PCDHA8: variants seen among roughly 807,000 people sequenced by gnomAD.
PCDHA8 encodes protocadherin alpha-8.
A neutral mutation model predicts 61.8 loss-of-function variants in PCDHA8; 53 were observed. The observed-to-expected ratio is 0.86, with a 90% CI of 0.69 to 1.08. PCDHA8 has a LOEUF of 1.08. Among genes scored for constraint, PCDHA8 ranks in the 50% least tolerant of loss-of-function variants. PCDHA8 has a pLI of 0.00. For missense variants in PCDHA8, 1,293 were observed against 1,245.0 expected, an observed-to-expected ratio of 1.04 and a Z score of -0.58; for synonymous variants, 618 against 556.6, an observed-to-expected ratio of 1.11 and a Z score of -1.55.
intron 1 of PCDHA8, among the ~76,000 whole-genome samples, chr5:140,952,740 C>T (rs2094790841): frequency 1.3e-5 from 2 of 152,184 alleles, no homozygotes; most frequent in African/African-American, 2.4e-5. Flanking sequence ...TTTTCTCACA[C>T]TGCTATAAAA....
chr5:140,882,046 TACTTAC>T lies in PCDHA8; in HGVS notation c.2394+38340_2394+38345del, dbSNP rs2058922100. The T allele has an allele frequency of 1.6e-5, 12 of 728,060 alleles. No homozygotes were observed. In the South Asian group the frequency reaches 2.5e-4, roughly 15 times the overall value. 45.1% of individuals were successfully genotyped at this position (728,060 alleles called of 1,614,324 possible). ...AATGGAAAATATGAAGACTGAGTCA[TACTTAC>T]ACTTACACGTTCATGCGCATGGTGT... is the stretch of plus-strand genomic sequence containing the variant. On this transcript the variant is annotated intron_variant, in intron 1 of 3. Coordinates refer to ENST00000531613, the MANE Select transcript of PCDHA8 (RefSeq NM_018911.3).
At chr5:140,977,284 G>T (rs1377580391) in intron 1 of PCDHA8, among the ~76,000 whole-genome samples, 1 of 152,210 alleles carries the variant, frequency 6.6e-6, no homozygotes, top group Admixed American at 6.5e-5. Flanking sequence ...TCAAAGGAAG[G>T]TTCTCTCAGC....
At chr5:140,871,549 T>C (rs1554165727) in intron 1 of PCDHA8, 6 of 1,496,034 alleles carry the variant, frequency 4.0e-6, no homozygotes, top group Non-Finnish European at 5.4e-6. Flanking sequence ...TTATTTAAAA[T>C]CCAGTTTTTT....
chr5:140,944,470 A>G (rs1245262998), intron 1 of PCDHA8, among the ~76,000 whole-genome samples: 1 of 152,166 alleles, frequency 6.6e-6, no homozygotes, highest in East Asian at 1.9e-4. Flanking sequence ...TACAGGTATG[A>G]GGCACTGGAC....
chr5:140,948,722 A>G (rs2094296449), intron 1 of PCDHA8, among the ~76,000 whole-genome samples: 1 of 151,574 alleles, frequency 6.6e-6, no homozygotes, highest in Admixed American at 6.6e-5. Context: ...TTTTTTATCA[A>G]TAAGTCTAGC....
rs1554204719 is a variant in PCDHA8, at chr5:140,927,550, A to G, written c.2395-51399A>G. 4.3e-6 allele frequency: 7 copies of G among 1,614,020 alleles called. No homozygotes were observed. In the Admixed American group the frequency reaches 8.3e-5, roughly 19 times the overall value. ...TGCCCGCTCAGGAGACGCACAAGTC[A>G]CCATCATTGTGGTGGACACAAATGA... On this transcript the variant is annotated intron_variant, in intron 1 of 3. Coordinates refer to ENST00000531613, the MANE Select transcript of PCDHA8 (RefSeq NM_018911.3).
intron 3 of PCDHA8, among the ~76,000 whole-genome samples, chr5:140,990,314 CCAAA>C (rs2097387288): frequency 6.6e-6 from 1 of 152,212 alleles, no homozygotes; most frequent in Non-Finnish European, 1.5e-5. Context: ...AAAAAACCAA[CCAAA>C]CAAACTTTAA....
chr5:140,848,359 G>C, intron 1 of PCDHA8: 1 of 1,059,608 alleles, frequency 9.4e-7, no homozygotes, highest in South Asian at 1.6e-5. Context: ...TTTTCCCATG[G>C]GAAAGAGGCT....
In PCDHA8 at chr5:141,011,117, C is replaced by A. The variant is rs1301385116; in HGVS notation, c.*1180C>A. The A allele has an allele frequency of 1.3e-5, 2 of 153,590 alleles. No homozygotes were observed. The highest frequency in any genetic ancestry group is 2.4e-5 in the African/African-American group (1 of 41,402). The allele number at this position is 153,590 out of a possible 1,614,324, so 9.5% of individuals were successfully genotyped here. The stretch of plus-strand genomic sequence containing the variant: ...CTCTCTCTCTCTCTTTTCTAAGAAA[C>A]AATTATGTGCACTTTGATACACAAC... On this transcript the variant is annotated 3_prime_UTR_variant, in exon 4 of 4. Coordinates refer to ENST00000531613, the MANE Select transcript of PCDHA8 (RefSeq NM_018911.3).
intron 1 of PCDHA8, among the ~76,000 whole-genome samples, chr5:140,914,730 C>T (rs2076816445): frequency 6.6e-6 from 1 of 151,438 alleles, no homozygotes; most frequent in Non-Finnish European, 1.5e-5. Context: ...TTTTGTGTAT[C>T]CATTGTATGT....
chr5:141,003,588 T>C (rs558863784), intron 3 of PCDHA8, among the ~76,000 whole-genome samples: 65 of 152,252 alleles, frequency 4.3e-4, no homozygotes, highest in African/African-American at 1.3e-3. Context: ...GCTGGGATTT[T>C]AGATGTGAGC....
intron 1 of PCDHA8, among the ~76,000 whole-genome samples, chr5:140,873,769 T>G (rs1554166882): frequency 6.6e-6 from 1 of 151,412 alleles, no homozygotes; most frequent in Non-Finnish European, 1.5e-5. Flanking sequence ...CAAGCAATTC[T>G]CCTGCCTCAG....
In PCDHA8 at chr5:140,842,359, C is replaced by T. The variant is rs1157712945; in HGVS notation, c.1038C>T (p.Asn346=). 5 of 1,606,532 alleles carry T rather than the reference C, an allele frequency of 3.1e-6. No individual in the cohort carries two copies. The highest frequency in any genetic ancestry group is 4.3e-6 in the Non-Finnish European group (5 of 1,173,328). ...TGAGAATTTTGGATAAAAATGATAA[C>T]GTCCCTGAGATAGCACTGACTTCCT... is the stretch of plus-strand genomic sequence containing the variant. The part of the protein sequence containing the change: ...VLVRILDKND[N]VPEIALTSLS... The change falls in exon 1 of 4, where the codon AAC becomes AAT. Residue 346 remains asparagine, a synonymous_variant. Transcript: ENST00000531613.
chr5:140,843,603 G>C lies in PCDHA8; in HGVS notation c.2282G>C (p.Gly761Ala), dbSNP rs2150363259. The part of the protein sequence containing the change: ...SQQQPQRVCS[G>A]EGPPKTDLMA... ...CAACAGCCGCAGAGGGTGTGCTCTG[G>C]TGAGGGGCCACCGAAGACGGACCTC... Residue 761 changes from glycine (G) to alanine (A), a missense_variant, in exon 1 of 4, where the codon GGT becomes GCT. Coordinates refer to ENST00000531613, the MANE Select transcript of PCDHA8 (RefSeq NM_018911.3). 45 of 1,596,084 alleles carry C rather than the reference G, an allele frequency of 2.8e-5. 3 individuals carry two copies. The East Asian group carries it at 3.1e-4, about 11-fold the overall frequency.
chr5:140,869,082 T>C (rs1554162459), intron 1 of PCDHA8: 1 of 1,582,446 alleles, frequency 6.3e-7, no homozygotes, highest in East Asian at 2.2e-5. Flanking sequence ...GAAGCTTATT[T>C]TGGAAGCCAA....
Position 140,856,266 on chromosome 5 carries a change from T to C in PCDHA8, c.2394+12551T>C, listed in dbSNP as rs1581394564. On this transcript the variant is annotated intron_variant, in intron 1 of 3. Coordinates refer to ENST00000531613, the MANE Select transcript of PCDHA8 (RefSeq NM_018911.3). ...GTGGCGTCCAAAAGACACGGGGACC[T>C]TCTGGAGGTAAATCTGCAGAATGGC... 7 of 1,598,200 alleles carry C rather than the reference T, an allele frequency of 4.4e-6. No homozygotes were observed. The East Asian group carries it at 1.6e-4, about 36-fold the overall frequency.
At chr5:140,939,262 T>G (rs1371349789) in intron 1 of PCDHA8, among the ~76,000 whole-genome samples, 1 of 152,146 alleles carries the variant, frequency 6.6e-6, no homozygotes, top group Non-Finnish European at 1.5e-5. Context: ...GGAACCTCTT[T>G]TATGAGAGCT....
At chr5:141,006,950 T>G (rs1169196116) in intron 3 of PCDHA8, among the ~76,000 whole-genome samples, 1 of 152,148 alleles carries the variant, frequency 6.6e-6, no homozygotes, top group African/African-American at 2.4e-5. Flanking sequence ...AGATAGGCAG[T>G]TATACATGAG....
rs2056928091 is a variant in PCDHA8 at position 140,877,191 on chromosome 5, A to C, written c.2394+33476A>C. 3 of 1,613,798 alleles carry C rather than the reference A, an allele frequency of 1.9e-6. No individual in the cohort carries two copies. The South Asian group carries it at 3.3e-5, about 18-fold the overall frequency. Reference sequence around the variant, plus strand: ...TGCTGGCGACTCCGGCTGGCAGCGCAGGAGGCGCAGTTAGCGAGTTGGTAC... The same window carrying C: ...TGCTGGCGACTCCGGCTGGCAGCGCCGGAGGCGCAGTTAGCGAGTTGGTAC... On this transcript the variant is annotated intron_variant, in intron 1 of 3. Transcript: ENST00000531613.
Sources: gnomAD v4.1 joint callset for allele counts (sites outside exome capture counted in the v4.1 genomes callset) on GRCh38, gnomAD v4.1.1 for gene constraint, MANE v1.5 for transcripts, NCBI Gene and HGNC (gene_info 2026-07-23, HGNC 2026-07-21) for gene names.